The following CORO7 variants were observed in gnomAD, a reference collection of about 807,000 sequenced individuals.
The protein encoded by CORO7 is coronin 7.
Under a neutral mutation model 126.6 loss-of-function variants are expected in CORO7, and 107 were observed. The ratio of observed to expected loss-of-function variants is 0.85; its 90% CI spans 0.72 to 0.99. The LOEUF (loss-of-function observed/expected upper bound fraction) is 0.99. Ranked by LOEUF, CORO7 falls within the 50% of genes least tolerant of loss-of-function variation. CORO7 has a pLI of 0.00. For synonymous variants in CORO7, 603 were observed against 536.8 expected, an observed-to-expected ratio of 1.12 and a Z score of -1.70; for missense variants, 1,314 against 1,255.8, an observed-to-expected ratio of 1.05 and a Z score of -0.70.
chr16:4,361,969 G>T lies in CORO7; in HGVS notation c.1578+16C>A, dbSNP rs754739237. ...CAGGGAACTGAGGGGCAGCCCTGGTGGGGTGGGGCCCTCACCTCAAGCACA... is the reference window on the plus strand; with the variant it reads ...CAGGGAACTGAGGGGCAGCCCTGGTTGGGTGGGGCCCTCACCTCAAGCACA... On this transcript the variant is annotated intron_variant, in intron 16 of 27. Coordinates refer to ENST00000251166, the MANE Select transcript of CORO7 (RefSeq NM_024535.5). 67 of 1,591,768 alleles carry T rather than the reference G, an allele frequency of 4.2e-5. No homozygotes were observed. Among genetic ancestry groups the T allele is most frequent in the Middle Eastern group, 1.7e-4 (1 of 6,056 alleles).
intron 9 of CORO7, chr16:4,381,071 C>T: frequency 6.2e-7 from 1 of 1,610,060 alleles, no homozygotes; most frequent in South Asian, 1.1e-5. Flanking sequence ...AACGGCATCA[C>T]CATGCTCGAC....
chr16:4,383,461 T>C (rs1238141552), intron 9 of CORO7: 1 of 167,102 alleles, frequency 6.0e-6, no homozygotes, highest in Non-Finnish European at 1.5e-5. Flanking sequence ...ACAAGGACTT[T>C]GGTTTTTGTA....
At chr16:4,411,619 A>T (rs1376772398) in intron 3 of CORO7, among the ~76,000 whole-genome samples, 1 of 152,024 alleles carries the variant, frequency 6.6e-6, no homozygotes, top group African/African-American at 2.4e-5. Context: ...ATCTCCATAA[A>T]TCTTTACTAT....
chr16:4,412,798 G>C (rs1446025337), intron 2 of CORO7: 2 of 305,866 alleles, frequency 6.5e-6, no homozygotes, highest in Non-Finnish European at 1.2e-5. Flanking sequence ...GACCCAGAGA[G>C]GTCAGGGCCG....
At chr16:4,361,114 C>A (rs1181285684) in intron 18 of CORO7, 29 bp from the exon 19 acceptor site, 3 of 1,613,306 alleles carry the variant, frequency 1.9e-6, no homozygotes, top group South Asian at 2.2e-5. Flanking sequence ...GATCAGGAGC[C>A]CTTGGGAGAC....
In CORO7 at chr16:4,360,467, G is replaced by C. The variant is rs746638584; in HGVS notation, c.1999C>G (p.Arg667Gly). Reference sequence around the variant, plus strand: ...ACCTGCAGGGGCTCAGGGCCACTCCGGGGCCTGTAGACCCGCACACGCCCA... The same window carrying C: ...ACCTGCAGGGGCTCAGGGCCACTCCCGGGCCTGTAGACCCGCACACGCCCA... ...KDGRVRVYRP[R>G]SGPEPLQEGP... The change falls in exon 20 of 28, where the codon CGG becomes GGG. Residue 667 changes from arginine (R) to glycine (G), a missense_variant. Physicochemically the swap from Arg to Gly is moderately radical, Grantham distance 125. Coordinates refer to ENST00000251166, the MANE Select transcript of CORO7 (RefSeq NM_024535.5). 2.5e-6 allele frequency: 4 copies of C among 1,612,238 alleles called. No homozygotes were observed. The highest frequency in any genetic ancestry group is 3.4e-6 in the Non-Finnish European group (4 of 1,179,574).
rs1567254129 is a variant in CORO7 at position 4,365,052 on chromosome 16, C to T, written c.849G>A (p.Arg283=). Reference sequence around the variant, plus strand: ...GGACCACCTCGTAACAGTACAGCTGCCTCTCGCCCTGAAATGAGTCTGAAC... The same window carrying T: ...GGACCACCTCGTAACAGTACAGCTGTCTCTCGCCCTGAAATGAGTCTGAAC... ...GLLVLAGKGE[R]QLYCYEVVPQ... is the part of the protein sequence containing the mutation. Residue 283 remains arginine, a synonymous_variant, in exon 11 of 28, where the codon AGG becomes AGA. Coordinates refer to ENST00000251166, the MANE Select transcript of CORO7 (RefSeq NM_024535.5). 6.2e-7 allele frequency: 1 copy of T among 1,600,572 alleles called. No homozygotes were observed. The highest frequency in any genetic ancestry group is 8.5e-7 in the Non-Finnish European group (1 of 1,173,708).
chr16:4,365,688 C>T (rs2054326586), intron 9 of CORO7, 143 bp from the exon 10 acceptor site: 3 of 1,119,334 alleles, frequency 2.7e-6, no homozygotes, highest in Non-Finnish European at 3.8e-6. Flanking sequence ...TCCCCAGGAA[C>T]CCCCTCCTCT....
At chr16:4,358,190 C>G (rs1198298170) in intron 24 of CORO7, 87 bp from the exon 25 acceptor site, 1 of 1,554,010 alleles carries the variant, frequency 6.4e-7, no homozygotes, top group Non-Finnish European at 8.7e-7. Flanking sequence ...AGGGCAAGAC[C>G]TGGGACCCTC....
intron 9 of CORO7, among the ~76,000 whole-genome samples, chr16:4,385,187 G>A (rs2055153312): frequency 6.6e-6 from 1 of 152,290 alleles, no homozygotes; most frequent in Non-Finnish European, 1.5e-5. Flanking sequence ...GGTGCTGACT[G>A]CAGCAGGCCC....
In CORO7 at chr16:4,355,278, C is replaced by T; in HGVS notation, c.2772+8G>A. 2 of 1,613,362 alleles carry T rather than the reference C, an allele frequency of 1.2e-6. No individual in the cohort carries two copies. The highest frequency in any genetic ancestry group is 1.7e-6 in the Non-Finnish European group (2 of 1,179,888). On this transcript the variant is annotated splice_region_variant and intron_variant, in intron 27 of 27. Transcript: ENST00000251166. ...GCCTGCCGGGAAGTGAGGCCACTCA[C>T]TACTCACCCACTCGTCCTCGTCCAC...
Position 4,371,472 on chromosome 16 carries a change from C to T in CORO7, c.786-5927G>A, listed in dbSNP as rs539528270. Among the ~76,000 whole-genome samples the T allele has an allele frequency of 7.9e-5, 12 of 152,318 alleles. No individual in the cohort carries two copies. In the South Asian group the frequency reaches 1.4e-3, roughly 18 times the overall value. The stretch of plus-strand genomic sequence containing the variant: ...GCTGGTCATGAGGACTCAGCCCTTA[C>T]CAGCCCCACTCCCGCCATCCTGCCT... On this transcript the variant is annotated intron_variant, in intron 9 of 27. Coordinates refer to ENST00000251166, the MANE Select transcript of CORO7 (RefSeq NM_024535.5).
rs149251834 is a variant in CORO7 at position 4,413,763 on chromosome 16, C to G, written c.61-359G>C. Among the ~76,000 whole-genome samples, 672 of 151,342 alleles carry G rather than the reference C, an allele frequency of 4.4e-3. 2 individuals are homozygous for G. Among genetic ancestry groups the G allele is most frequent in the African/African-American group, 0.015 (633 of 41,316 alleles). On this transcript the variant is annotated intron_variant, in intron 1 of 27. Transcript: ENST00000251166. ...ATGTTGGCCAGGCTGGTCTCGAACTCCTGGCCTCAAGTGATCTGCCTGCCT... is the reference window on the plus strand; with the variant it reads ...ATGTTGGCCAGGCTGGTCTCGAACTGCTGGCCTCAAGTGATCTGCCTGCCT...
chr16:4,364,457 C>G (rs370630339), intron 13 of CORO7, 44 bp from the exon 14 acceptor site: 1 of 1,478,648 alleles, frequency 6.8e-7, no homozygotes, highest in Non-Finnish European at 9.0e-7. Flanking sequence ...ATGGGCTGCC[C>G]GGTCAGGAGG....
chr16:4,413,140 C>T (rs539198680), intron 2 of CORO7, among the ~76,000 whole-genome samples, 168 bp downstream of exon 2: 32 of 152,274 alleles, frequency 2.1e-4, no homozygotes, highest in African/African-American at 5.8e-4. Flanking sequence ...TGCGCCTGGA[C>T]CAGTTTGTGG....
rs763933995 is a variant in CORO7 at position 4,387,952 on chromosome 16, GC to G, written c.785+33del. ...TCACCTGCGGCGCCTTGGGTCATCA[GC>G]CCCCCAGCCCACCTGCGTGCCGCAG... On this transcript the variant is annotated intron_variant, in intron 9 of 27. Coordinates refer to ENST00000251166, the MANE Select transcript of CORO7 (RefSeq NM_024535.5). 4 of 1,610,034 alleles carry G rather than the reference GC, an allele frequency of 2.5e-6. No homozygotes were observed. In the African/African-American group the frequency reaches 4.0e-5, roughly 16 times the overall value.
rs1322488893 is a variant in CORO7 at position 4,357,827 on chromosome 16, G to A, written c.2593+141C>T. Reference sequence around the variant, plus strand: ...GAGCCCTGCCCTCCACTGGCTCAGAGACTGATTGACACAGCCACTCCACCC... The same window carrying A: ...GAGCCCTGCCCTCCACTGGCTCAGAAACTGATTGACACAGCCACTCCACCC... On this transcript the variant is annotated intron_variant, in intron 25 of 27. Coordinates refer to ENST00000251166, the MANE Select transcript of CORO7 (RefSeq NM_024535.5). The A allele has an allele frequency of 3.5e-6, 5 of 1,427,316 alleles. No homozygotes were observed. In the African/African-American group the frequency reaches 4.3e-5, roughly 12 times the overall value. The allele number at this position is 1,427,316 out of a possible 1,614,324, so 88.4% of individuals were successfully genotyped here.
rs747486282 is a variant in CORO7 at position 4,357,228 on chromosome 16, A to G, written c.2625T>C (p.Arg875=). The G allele has an allele frequency of 6.2e-7, 1 of 1,612,488 alleles. No individual in the cohort carries two copies. Among genetic ancestry groups the G allele is most frequent in the South Asian group, 1.1e-5 (1 of 91,012 alleles). Residue 875 remains arginine, a synonymous_variant, in exon 26 of 28, where the codon CGT becomes CGC. Transcript: ENST00000251166. The part of the protein sequence containing the change: ...VSQAPREAPA[R]RAPSSAQYLE... ...GGTACTGCGCTGAGGATGGGGCCCG[A>G]CGAGCAGGGGCCTCTCGGGGGGCTT...
In CORO7 at chr16:4,370,372, T is replaced by C. The variant is rs576445048; in HGVS notation, c.786-4827A>G. On this transcript the variant is annotated intron_variant, in intron 9 of 27. Coordinates refer to ENST00000251166, the MANE Select transcript of CORO7 (RefSeq NM_024535.5). ...GACTGGGGTGACCCATGAGCCCACA[T>C]TTTGGCAGAGGGAGCAACCGCCACT... Among the ~76,000 whole-genome samples, 5 of 152,284 alleles carry C rather than the reference T, an allele frequency of 3.3e-5. No individual in the cohort carries two copies. In the East Asian group the frequency reaches 7.7e-4, roughly 24 times the overall value.
Sources: allele counts gnomAD v4.1 joint callset (sites outside exome capture counted in the v4.1 genomes callset), GRCh38; gene constraint gnomAD v4.1.1; transcripts MANE v1.5; gene names NCBI Gene and HGNC (gene_info 2026-07-23, HGNC 2026-07-21).